The following GRIN2A variants were observed in gnomAD, a reference collection of about 807,000 sequenced individuals.
GRIN2A encodes the protein glutamate receptor ionotropic, NMDA 2A.
In GRIN2A, 22 loss-of-function variants were observed where a neutral mutation model predicts 113.4. That is an observed-to-expected ratio of 0.19 (90% CI 0.14 to 0.28). GRIN2A has a LOEUF of 0.28. GRIN2A is among the 10% of genes least tolerant of loss of function. The pLI is 1.00. For missense variants in GRIN2A, 1,502 were observed against 1,887.0 expected (o/e 0.80, Z 3.78); for synonymous variants, 827 against 738.4 (o/e 1.12, Z -1.94).
chr16:10,134,850 C>A (rs1157980583), intron 2 of GRIN2A, among the ~76,000 whole-genome samples: 1 of 152,036 alleles, frequency 6.6e-6, no homozygotes, highest in African/African-American at 2.4e-5. Flanking sequence ...ATTTGATGGC[C>A]AAGGGGTACA....
intron 2 of GRIN2A, among the ~76,000 whole-genome samples, chr16:10,006,592 G>T (rs2046408087): frequency 6.6e-6 from 1 of 152,058 alleles, no homozygotes; most frequent in Non-Finnish European, 1.5e-5. Flanking sequence ...GTAAAATGAG[G>T]TTTCCATCAC....
intron 2 of GRIN2A, among the ~76,000 whole-genome samples, chr16:9,946,500 T>C (rs1284308944): frequency 6.6e-6 from 1 of 152,194 alleles, no homozygotes; most frequent in Admixed American, 6.5e-5. Context: ...ATCCCTTTTT[T>C]TTCATGAAGC....
At chr16:9,815,068 G>T (rs1555490601) in intron 10 of GRIN2A, among the ~76,000 whole-genome samples, 1 of 150,380 alleles carries the variant, frequency 6.6e-6, no homozygotes, top group Non-Finnish European at 1.5e-5. Flanking sequence ...CACAGGCTTT[G>T]CAAACCTGTG....
intron 2 of GRIN2A, among the ~76,000 whole-genome samples, chr16:10,066,804 G>C (rs970558515): frequency 6.6e-6 from 1 of 152,160 alleles, no homozygotes; most frequent in Non-Finnish European, 1.5e-5. Flanking sequence ...CTTGGGAAAT[G>C]TCACCTTTAA....
chr16:10,002,883 G>A (rs540669952), intron 2 of GRIN2A, among the ~76,000 whole-genome samples: 2 of 152,170 alleles, frequency 1.3e-5, no homozygotes, highest in African/African-American at 4.8e-5. Context: ...TTGGAGAAAG[G>A]CATTTCATGG....
chr16:10,001,540 G>A (rs1025124899), intron 2 of GRIN2A, among the ~76,000 whole-genome samples: 7 of 152,236 alleles, frequency 4.6e-5, no homozygotes, highest in Admixed American at 2.6e-4. Flanking sequence ...ATGCCCCATC[G>A]TGAACACAAC....
At chr16:10,096,785 C>T (rs1033763899) in intron 2 of GRIN2A, among the ~76,000 whole-genome samples, 1 of 152,150 alleles carries the variant, frequency 6.6e-6, no homozygotes, top group African/African-American at 2.4e-5. Context: ...CCCTACTGGT[C>T]AGTCCCCCAC....
Position 9,755,373 on chromosome 16 carries a change from C to T in GRIN2A, c.*7776G>A, listed in dbSNP as rs1233921871. On this transcript the variant is annotated 3_prime_UTR_variant, in exon 13 of 13. Coordinates refer to ENST00000330684, the MANE Select transcript of GRIN2A (RefSeq NM_001134407.3). ...CAACATTCCAAGGAGAACATGGTCA[C>T]GCACTTGTAGACCCAACAACAGGAT... The T allele has an allele frequency of 3.8e-5, 7 of 186,432 alleles. No individual in the cohort carries two copies. Among genetic ancestry groups the T allele is most frequent in the Non-Finnish European group, 4.5e-5 (4 of 88,248 alleles). The allele number at this position is 186,432 out of a possible 1,614,324, so 11.5% of individuals were successfully genotyped here. A position where few individuals can be genotyped will look rare whatever the true frequency, so the allele number is the denominator to read the frequency against.
At chr16:10,018,784 G>A (rs900087844) in intron 2 of GRIN2A, among the ~76,000 whole-genome samples, 1 of 152,102 alleles carries the variant, frequency 6.6e-6, no homozygotes, top group Non-Finnish European at 1.5e-5. Flanking sequence ...CCAACCCGAG[G>A]TTGCTCTGAT....
At chr16:9,989,255 A>T (rs1314106477) in intron 2 of GRIN2A, among the ~76,000 whole-genome samples, 1 of 152,168 alleles carries the variant, frequency 6.6e-6, no homozygotes, top group Non-Finnish European at 1.5e-5. Flanking sequence ...CAACCAACTG[A>T]TCTTTGACAA....
At position 9,763,756 on chromosome 16, in the gene GRIN2A, C is replaced by T; in HGVS notation, c.3788G>A (p.Gly1263Glu). ...CCAGTCCTGCTGGTAGACCTGCTCCCCGGTGGCTGGGTTACCTGTCTCCTG... is the reference window on the plus strand; with the variant it reads ...CCAGTCCTGCTGGTAGACCTGCTCCTCGGTGGCTGGGTTACCTGTCTCCTG... ...MLQETGNPAT[G>E]EQVYQQDWAQ... The change falls in exon 13 of 13, where the codon GGG (glycine) becomes GAG (glutamate). Residue 1263 changes from glycine (G) to glutamate (E), a missense_variant. Gly to Glu is a moderately conservative substitution (Grantham distance 98, BLOSUM62 -2). Transcript: ENST00000330684. The T allele has an allele frequency of 6.2e-7, 1 of 1,614,102 alleles. No individual in the cohort carries two copies. The highest frequency in any genetic ancestry group is 8.5e-7 in the Non-Finnish European group (1 of 1,180,012).
chr16:9,912,655 A>G (rs1485909902), intron 3 of GRIN2A, among the ~76,000 whole-genome samples: 1 of 152,096 alleles, frequency 6.6e-6, no homozygotes, highest in East Asian at 1.9e-4. Context: ...AATCTGCATA[A>G]TGGGGATAAT....
intron 2 of GRIN2A, among the ~76,000 whole-genome samples, chr16:10,102,404 C>A (rs1049785868): frequency 6.6e-6 from 1 of 152,226 alleles, no homozygotes; most frequent in Non-Finnish European, 1.5e-5. Context: ...TGATTGGAAG[C>A]CTCCTGAGGC....
intron 3 of GRIN2A, among the ~76,000 whole-genome samples, chr16:9,927,784 T>G (rs951437272): frequency 9.2e-5 from 14 of 152,334 alleles, no homozygotes; most frequent in African/African-American, 3.4e-4. Flanking sequence ...CTCACATACA[T>G]AATGATGCGT....
intron 4 of GRIN2A, among the ~76,000 whole-genome samples, chr16:9,858,109 T>C (rs2042999392): frequency 6.6e-6 from 1 of 152,216 alleles, no homozygotes; most frequent in Non-Finnish European, 1.5e-5. Context: ...GCATGTGACC[T>C]AAGCTAAGCC....
intron 2 of GRIN2A, among the ~76,000 whole-genome samples, chr16:10,079,732 G>A (rs995723153): frequency 2.0e-5 from 3 of 152,190 alleles, no homozygotes; most frequent in Admixed American, 1.3e-4. Flanking sequence ...ATAAGAAATA[G>A]ATGTTTGTTG....
At chr16:10,098,013 G>A (rs2048326123) in intron 2 of GRIN2A, among the ~76,000 whole-genome samples, 1 of 152,124 alleles carries the variant, frequency 6.6e-6, no homozygotes, top group Admixed American at 6.6e-5. Context: ...ACAACCCACA[G>A]AGTGTGAGAA....
At chr16:9,810,061 C>T (rs1186695667) in intron 10 of GRIN2A, among the ~76,000 whole-genome samples, 2 of 152,168 alleles carry the variant, frequency 1.3e-5, no homozygotes, top group African/African-American at 2.4e-5. Context: ...GAGCCAGACT[C>T]TGTCTCAAAA....
rs1441462542 is a variant in GRIN2A, at chr16:9,927,796, GATTAA to G, written c.1007+10158_1007+10162del. Among the ~76,000 whole-genome samples the G allele has an allele frequency of 9.2e-5, 14 of 152,274 alleles. No individual in the cohort carries two copies. The East Asian group carries it at 1.2e-3, about 13-fold the overall frequency. On this transcript the variant is annotated intron_variant, in intron 3 of 12. Transcript: ENST00000330684. Reference sequence around the variant, plus strand: ...ACCCTCACATACATAATGATGCGTTGATTAAATTAAATTGTTTAAACTTCCTCTTA... The same window carrying G: ...ACCCTCACATACATAATGATGCGTTGATTAAATTGTTTAAACTTCCTCTTA...
Sources: allele counts gnomAD v4.1 joint callset (sites outside exome capture counted in the v4.1 genomes callset), GRCh38; gene constraint gnomAD v4.1.1; transcripts MANE v1.5; gene names NCBI Gene and HGNC (gene_info 2026-07-23, HGNC 2026-07-21).